Variants in KTN1 observed in about 807,000 individuals in gnomAD.
KTN1 encodes the protein kinectin.
In KTN1, 130 loss-of-function variants were observed where a neutral mutation model predicts 222.5. The ratio of observed to expected loss-of-function variants is 0.58; its 90% CI spans 0.51 to 0.68. The LOEUF is 0.68. KTN1 is among the 30% of genes least tolerant of loss of function. The pLI is 0.00. For synonymous variants in KTN1, 512 were observed against 496.3 expected, an observed-to-expected ratio of 1.03 and a Z score of -0.42; for missense variants, 1,508 against 1,500.4, an observed-to-expected ratio of 1.01 and a Z score of -0.08.
At chr14:55,595,304 A>G (rs1181419757) in intron 1 of KTN1, among the ~76,000 whole-genome samples, 1 of 152,214 alleles carries the variant, frequency 6.6e-6, no homozygotes, top group Non-Finnish European at 1.5e-5. Flanking sequence ...AAAAAAGGTC[A>G]TTGCTTGAAA....
chr14:55,657,741 G>A (rs960200682), intron 29 of KTN1, among the ~76,000 whole-genome samples: 5 of 151,682 alleles, frequency 3.3e-5, no homozygotes, highest in Non-Finnish European at 7.4e-5. Flanking sequence ...GTGAAACCCC[G>A]ACTCTACTAA....
intron 5 of KTN1, among the ~76,000 whole-genome samples, chr14:55,622,719 A>T (rs2039322645): frequency 6.6e-6 from 1 of 152,118 alleles, no homozygotes; most frequent in East Asian, 1.9e-4. Context: ...CTCCAGATTG[A>T]TGTTTCTGCT....
At chr14:55,627,804 T>C in intron 5 of KTN1, 108 bp from the exon 6 acceptor site, 1 of 668,096 alleles carries the variant, frequency 1.5e-6, no homozygotes, top group South Asian at 1.8e-5. Flanking sequence ...TCATTCTTTT[T>C]TATGGCTGCA....
At chr14:55,615,824 C>T (rs2038280000) in intron 2 of KTN1, among the ~76,000 whole-genome samples, 1 of 151,264 alleles carries the variant, frequency 6.6e-6, no homozygotes, top group South Asian at 2.1e-4. Flanking sequence ...TCCTTTCCTT[C>T]CCTTCCCTTC....
At chr14:55,636,741 A>C (rs750075352) in intron 10 of KTN1, among the ~76,000 whole-genome samples, 1 of 152,126 alleles carries the variant, frequency 6.6e-6, no homozygotes, top group Non-Finnish European at 1.5e-5. Context: ...GAAGCATTAA[A>C]GTTGCAGGCA....
chr14:55,649,161 A>G (rs1441180487), intron 21 of KTN1, among the ~76,000 whole-genome samples: 2 of 152,144 alleles, frequency 1.3e-5, no homozygotes, highest in Non-Finnish European at 2.9e-5. Context: ...TCCTGGCCTC[A>G]AGTGGTGCTC....
Position 55,618,140 on chromosome 14 carries a change from A to T in KTN1, c.832+6A>T. The T allele has an allele frequency of 6.2e-7, 1 of 1,604,640 alleles. No homozygotes were observed. The highest frequency in any genetic ancestry group is 8.5e-7 in the Non-Finnish European group (1 of 1,174,588). ...GAAGACCGAAACTGACAAAGGTAATATATGGGATTTATAGTCTTTGTTGTA... is the reference window on the plus strand; with the variant it reads ...GAAGACCGAAACTGACAAAGGTAATTTATGGGATTTATAGTCTTTGTTGTA... On this transcript the variant is annotated splice_donor_region_variant and intron_variant, in intron 4 of 43. Coordinates refer to ENST00000395314, the MANE Select transcript of KTN1 (RefSeq NM_001079521.2).
At chr14:55,585,975 G>A (rs1176051245) in intron 1 of KTN1, among the ~76,000 whole-genome samples, 2 of 152,186 alleles carry the variant, frequency 1.3e-5, no homozygotes, top group Admixed American at 1.3e-4. Flanking sequence ...TCAAGTAAGT[G>A]TACATTGTCT....
chr14:55,656,692 C>G (rs1172492762), intron 29 of KTN1, among the ~76,000 whole-genome samples: 1 of 152,070 alleles, frequency 6.6e-6, no homozygotes, highest in Non-Finnish European at 1.5e-5. Context: ...GTCTCGAACT[C>G]CTGACCTCAG....
chr14:55,611,739 A>G (rs1399972567), intron 1 of KTN1, among the ~76,000 whole-genome samples: 1 of 152,196 alleles, frequency 6.6e-6, no homozygotes, highest in Non-Finnish European at 1.5e-5. Context: ...AGTAATGAAT[A>G]TTTAAATTTT....
At chr14:55,680,307 A>T (rs1474523748) in intron 43 of KTN1, 1 of 171,808 alleles carries the variant, frequency 5.8e-6, no homozygotes, top group Non-Finnish European at 1.2e-5. Context: ...CAGATTTGGT[A>T]GCATTTTAAA....
At chr14:55,620,485 C>T (rs2038988721) in intron 5 of KTN1, among the ~76,000 whole-genome samples, 1 of 152,230 alleles carries the variant, frequency 6.6e-6, no homozygotes, top group South Asian at 2.1e-4. Flanking sequence ...CAAACTTCTG[C>T]CTGGACATCC....
At chr14:55,631,511 A>C (rs1045389219) in intron 7 of KTN1, among the ~76,000 whole-genome samples, 14 of 152,056 alleles carry the variant, frequency 9.2e-5, no homozygotes, top group Non-Finnish European at 2.1e-4. Context: ...CTTTATTTCT[A>C]TGGCTAGGTG....
At chr14:55,645,850 A>G (rs553343915) in intron 18 of KTN1, among the ~76,000 whole-genome samples, 13 of 152,330 alleles carry the variant, frequency 8.5e-5, no homozygotes, top group Admixed American at 6.5e-4. Context: ...AAATATGTAC[A>G]GAGTGGAATT....
chr14:55,680,650 A>G, intron 43 of KTN1: 1 of 1,311,870 alleles, frequency 7.6e-7, no homozygotes, highest in South Asian at 1.2e-5. Context: ...ATGGACTTCC[A>G]TTTTGATCTT....
intron 38 of KTN1, 78 bp from the exon 39 acceptor site, chr14:55,672,851 G>T: frequency 8.3e-7 from 1 of 1,202,164 alleles, no homozygotes. Flanking sequence ...ATTCATAAGT[G>T]TCATAATTTT....
chr14:55,629,028 C>T (rs2140891967), intron 6 of KTN1, among the ~76,000 whole-genome samples: 1 of 152,296 alleles, frequency 6.6e-6, no homozygotes, highest in Middle Eastern at 3.4e-3. Context: ...CTGCAGCTAA[C>T]TTTAAAATTG....
chr14:55,630,415 T>C (rs1345271528), intron 7 of KTN1, among the ~76,000 whole-genome samples: 2 of 152,322 alleles, frequency 1.3e-5, no homozygotes, highest in East Asian at 1.9e-4. Context: ...TTAAATCAAT[T>C]AGGCATTATC....
At position 55,618,141 on chromosome 14, in the gene KTN1, T is replaced by TATGGG. The variant is rs769657330; in HGVS notation, c.832+10_832+14dup. The TATGGG allele has an allele frequency of 5.0e-6, 8 of 1,602,190 alleles. No homozygotes were observed. In the African/African-American group the frequency reaches 1.1e-4, roughly 21 times the overall value. On this transcript the variant is annotated splice_region_variant and intron_variant, in intron 4 of 43. Transcript: ENST00000395314. ...AAGACCGAAACTGACAAAGGTAATATATGGGATTTATAGTCTTTGTTGTAC... is the reference window on the plus strand; with the variant it reads ...AAGACCGAAACTGACAAAGGTAATATATGGGATGGGATTTATAGTCTTTGTTGTAC...
Sources: allele counts gnomAD v4.1 joint callset (sites outside exome capture counted in the v4.1 genomes callset), GRCh38; gene constraint gnomAD v4.1.1; transcripts MANE v1.5; gene names NCBI Gene and HGNC (gene_info 2026-07-23, HGNC 2026-07-21).